Variants in LTBP1 observed in about 807,000 individuals in gnomAD.
LTBP1 encodes the protein latent-transforming growth factor beta-binding protein 1.
A neutral mutation model predicts 207.6 loss-of-function variants in LTBP1; 129 were observed. The observed-to-expected ratio is 0.62, with a 90% CI of 0.54 to 0.72. The LOEUF is 0.72. LTBP1 is among the 30% of genes least tolerant of loss of function. The pLI is 0.00. For synonymous variants in LTBP1, 963 were observed against 833.7 expected (o/e 1.16, Z -2.67); for missense variants, 2,281 against 2,217.2 (o/e 1.03, Z -0.58).
At chr2:32,996,757 A>G (rs1209400044) in intron 2 of LTBP1, among the ~76,000 whole-genome samples, 2 of 152,204 alleles carry the variant, frequency 1.3e-5, no homozygotes, top group African/African-American at 4.8e-5. Flanking sequence ...GTTTATGTGT[A>G]GTCCAAGGTT....
chr2:32,999,032 A>G (rs1685710984), intron 2 of LTBP1, among the ~76,000 whole-genome samples: 1 of 152,190 alleles, frequency 6.6e-6, no homozygotes, highest in Non-Finnish European at 1.5e-5. Context: ...CCCCACCCAG[A>G]CTTACTAGAA....
chr2:33,392,893 A>G (rs553472192), intron 32 of LTBP1, among the ~76,000 whole-genome samples: 81 of 149,418 alleles, frequency 5.4e-4, no homozygotes, highest in Middle Eastern at 3.4e-3. Flanking sequence ...TTTTTTTTTA[A>G]ATTGGGGTCT....
intron 22 of LTBP1, among the ~76,000 whole-genome samples, 187 bp from the exon 23 acceptor site, chr2:33,309,247 C>T (rs13416425): frequency 0.047 from 6,842 of 146,756 alleles, 226 homozygotes; most frequent in South Asian, 0.091. Context: ...AGCGCCACTG[C>T]ACTCCAGCAT....
intron 14 of LTBP1, 56 bp downstream of exon 14, chr2:33,262,877 C>A (rs866599255): frequency 1.5e-6 from 2 of 1,321,536 alleles, no homozygotes; most frequent in South Asian, 1.4e-5. Context: ...AAATGTAAGA[C>A]GGGAAATTTT....
chr2:33,345,365 C>A (rs1437606137), intron 25 of LTBP1, among the ~76,000 whole-genome samples: 5 of 152,230 alleles, frequency 3.3e-5, no homozygotes. Context: ...CATTGTTACC[C>A]CACATATAGG....
intron 24 of LTBP1, among the ~76,000 whole-genome samples, chr2:33,338,515 T>C (rs2094578432): frequency 6.6e-6 from 1 of 152,146 alleles, no homozygotes. Context: ...CTGATGAGGT[T>C]AAGTTAAAGG....
Position 33,347,587 on chromosome 2 carries a change from C to T in LTBP1, c.4000+77C>T, listed in dbSNP as rs188546085. ...TGCACCCACACAGCTTTGGGATAAA[C>T]GCTGGGAGTGAGATAAGAAGCAGCC... On this transcript the variant is annotated intron_variant, in intron 26 of 33. Coordinates refer to ENST00000404816, the MANE Select transcript of LTBP1 (RefSeq NM_206943.4). 8.4e-5 allele frequency: 131 copies of T among 1,551,974 alleles called. 2 individuals carry two copies. The Admixed American group carries it at 1.4e-3, about 16-fold the overall frequency.
chr2:33,243,701 G>T lies in LTBP1; in HGVS notation c.1916G>T (p.Gly639Val). The change falls in exon 10 of 34, where the codon GGT becomes GTT. Residue 639 changes from glycine (G) to valine (V), a missense_variant. Gly to Val is a moderately radical substitution (Grantham distance 109). This residue lies in a region of LTBP1 where 1,671 missense variants were observed against 1,634.8 expected (regional missense o/e 1.02). Transcript: ENST00000404816. Reference protein sequence around the residue: ...ECQLQGVCPNGECLNTMGSYR... With the variant: ...ECQLQGVCPNVECLNTMGSYR... The stretch of plus-strand genomic sequence containing the variant: ...CAGCTACAAGGTGTATGCCCTAATG[G>T]TGAGTGTTTGAATACCATGGGCAGC... The T allele has an allele frequency of 6.2e-7, 1 of 1,613,912 alleles. No homozygotes were observed. The highest frequency in any genetic ancestry group is 8.5e-7 in the Non-Finnish European group (1 of 1,179,806).
At chr2:33,286,878 C>A (rs2093676071) in intron 19 of LTBP1, among the ~76,000 whole-genome samples, 1 of 152,022 alleles carries the variant, frequency 6.6e-6, no homozygotes, top group Admixed American at 6.6e-5. Context: ...GGGAATTGAA[C>A]AATGAGAACA....
At chr2:33,259,516 T>A (rs1297633885) in intron 12 of LTBP1, 72 bp from the exon 13 acceptor site, 1 of 1,100,284 alleles carries the variant, frequency 9.1e-7, no homozygotes, top group Non-Finnish European at 1.3e-6. Flanking sequence ...TCTATTGTTT[T>A]TTAAGAATTG....
At chr2:33,260,773 G>A (rs2092989139) in intron 13 of LTBP1, among the ~76,000 whole-genome samples, 2 of 152,128 alleles carry the variant, frequency 1.3e-5, no homozygotes, top group African/African-American at 2.4e-5. Context: ...TTTAGTCCTG[G>A]TTGATGTATG....
At chr2:33,233,464 G>C (rs1166801534) in intron 9 of LTBP1, among the ~76,000 whole-genome samples, 1 of 152,098 alleles carries the variant, frequency 6.6e-6, no homozygotes, top group East Asian at 1.9e-4. Flanking sequence ...ATCTTGGTAA[G>C]ACCATTTCGT....
At chr2:33,064,052 C>T (rs1052105506) in intron 3 of LTBP1, among the ~76,000 whole-genome samples, 2 of 152,044 alleles carry the variant, frequency 1.3e-5, no homozygotes, top group African/African-American at 4.8e-5. Context: ...CGGGGTTTCA[C>T]CATGTTGGGC....
intron 5 of LTBP1, among the ~76,000 whole-genome samples, chr2:33,140,590 G>T (rs74526901): frequency 0.032 from 4,877 of 151,778 alleles, 125 homozygotes; most frequent in Middle Eastern, 0.14. Context: ...CTATATCAAA[G>T]AATTTTATTT....
intron 31 of LTBP1, among the ~76,000 whole-genome samples, chr2:33,385,871 G>A (rs972433857): frequency 1.3e-5 from 2 of 152,200 alleles, no homozygotes; most frequent in Admixed American, 6.5e-5. Flanking sequence ...CAGAAAGGAT[G>A]TTTTGATCAC....
rs141410446 is a variant in LTBP1 at position 33,326,612 on chromosome 2, G to A, written c.3730+11343G>A. Reference sequence around the variant, plus strand: ...TTTACCCTGCTTTTTTGTCTTCAAAGCCTACTGAAAATGAGAATGAGGGAT... The same window carrying A: ...TTTACCCTGCTTTTTTGTCTTCAAAACCTACTGAAAATGAGAATGAGGGAT... On this transcript the variant is annotated intron_variant, in intron 24 of 33. Transcript: ENST00000404816. Among the ~76,000 whole-genome samples, 20 of 132,934 alleles carry A rather than the reference G, an allele frequency of 1.5e-4. No homozygotes were observed. In the East Asian group the frequency reaches 4.2e-3, roughly 28 times the overall value. 87.2% of individuals were successfully genotyped at this position (132,934 alleles called of 152,430 possible).
chr2:33,156,113 A>G (rs2083953946), intron 5 of LTBP1, among the ~76,000 whole-genome samples: 1 of 152,216 alleles, frequency 6.6e-6, no homozygotes, highest in Admixed American at 6.5e-5. Flanking sequence ...GCCTTGAGAC[A>G]GAGCCCTGCG....
At chr2:33,037,532 T>G (rs1280730167) in intron 3 of LTBP1, among the ~76,000 whole-genome samples, 1 of 152,202 alleles carries the variant, frequency 6.6e-6, no homozygotes, top group African/African-American at 2.4e-5. Flanking sequence ...TTTGACCTCT[T>G]TCTACATATT....
chr2:33,071,642 G>A (rs1975740), intron 3 of LTBP1, among the ~76,000 whole-genome samples: 8,086 of 39,248 alleles, frequency 0.21, 625 homozygotes, highest in East Asian at 0.6. Flanking sequence ...TTATGATGTC[G>A]TAACAAGTCA....
Sources: allele counts gnomAD v4.1 joint callset (sites outside exome capture counted in the v4.1 genomes callset), GRCh38; gene constraint gnomAD v4.1.1; regional missense constraint gnomAD v4.1.1; transcripts MANE v1.5; gene names NCBI Gene and HGNC (gene_info 2026-07-23, HGNC 2026-07-21).